APBB2: variants seen among roughly 807,000 people sequenced by gnomAD.
APBB2 encodes Fe65-like 1.
Under a neutral mutation model 82.5 loss-of-function variants are expected in APBB2, and 38 were observed. That is an observed-to-expected ratio of 0.46 (90% CI 0.36 to 0.60). The LOEUF is 0.60. Among genes scored for constraint, APBB2 ranks in the 20% least tolerant of loss-of-function variants. The pLI is 0.00. For missense variants in APBB2, 772 were observed against 972.3 expected, an observed-to-expected ratio of 0.79 and a Z score of 2.74; for synonymous variants, 341 against 368.2, an observed-to-expected ratio of 0.93 and a Z score of 0.85.
Position 40,827,226 on chromosome 4 carries a change from G to C in APBB2, c.1645-7C>G, listed in dbSNP as rs770200998. On this transcript the variant is annotated splice_region_variant and splice_polypyrimidine_tract_variant and intron_variant, in intron 13 of 17. Transcript: ENST00000508593. ...TCTTCCGTTCAGCCATAATCTAAGG[G>C]GGAAAAAGTGCAGCTTTGGAGCGTG... 19 of 1,613,808 alleles carry C rather than the reference G, an allele frequency of 1.2e-5. No homozygotes were observed. In the Admixed American group the frequency reaches 3.2e-4, roughly 27 times the overall value.
At chr4:41,058,437 G>C (rs56958949) in intron 4 of APBB2, among the ~76,000 whole-genome samples, 5,510 of 152,242 alleles carry the variant, frequency 0.036, 168 homozygotes, top group East Asian at 0.12. Context: ...TATGTACTAG[G>C]TATGTGAAAA....
At chr4:40,833,768 G>A (rs909281294) in intron 12 of APBB2, among the ~76,000 whole-genome samples, 4 of 152,038 alleles carry the variant, frequency 2.6e-5, no homozygotes, top group Admixed American at 6.6e-5. Flanking sequence ...GTCCCTCCCC[G>A]GCTCTGACAT....
chr4:40,851,699 G>A (rs1759414280), intron 12 of APBB2, among the ~76,000 whole-genome samples: 1 of 142,916 alleles, frequency 7.0e-6, no homozygotes, highest in South Asian at 2.2e-4. Flanking sequence ...ACTGACTGCA[G>A]AAGGAATATT....
chr4:41,212,314 C>A (rs1779517395), intron 1 of APBB2, among the ~76,000 whole-genome samples: 1 of 152,064 alleles, frequency 6.6e-6, no homozygotes, highest in African/African-American at 2.4e-5. Flanking sequence ...TAAGTGTAAA[C>A]ACCAGTATTT....
rs1773181074 is a variant in APBB2, at chr4:41,187,355, T to TA, written c.-417+27049dup. 2.0e-5 allele frequency among the ~76,000 whole-genome samples: 3 copies of TA among 152,334 alleles called. No individual in the cohort carries two copies. In the South Asian group the frequency reaches 6.2e-4, roughly 32 times the overall value. On this transcript the variant is annotated intron_variant, in intron 1 of 17. Coordinates refer to ENST00000508593, the MANE Select transcript of APBB2 (RefSeq NM_004307.2). ...AACATGAAAAAAGATAAGAGTCTTTTAAATTTGAGAAAAACAAACAACATT... is the reference window on the plus strand; with the variant it reads ...AACATGAAAAAAGATAAGAGTCTTTTAAAATTTGAGAAAAACAAACAACATT...
chr4:41,149,178 G>A (rs1761557391), intron 1 of APBB2, among the ~76,000 whole-genome samples: 1 of 151,346 alleles, frequency 6.6e-6, no homozygotes, highest in Non-Finnish European at 1.5e-5. Flanking sequence ...TTCACCCCAG[G>A]AAAAAAGAAC....
intron 10 of APBB2, among the ~76,000 whole-genome samples, chr4:40,920,474 C>CCTG (rs1289623348): frequency 8.5e-5 from 13 of 152,150 alleles, no homozygotes; most frequent in Admixed American, 8.5e-4. Context: ...ATCTTTAAAA[C>CCTG]AGTTACATGT....
intron 2 of APBB2, among the ~76,000 whole-genome samples, chr4:41,126,058 G>A (rs1316624555): frequency 2.6e-5 from 4 of 152,040 alleles, no homozygotes; most frequent in African/African-American, 9.7e-5. Context: ...GAAACAAAAT[G>A]CTGACAAGGT....
In APBB2 at chr4:41,146,323, C is replaced by CAA. The variant is rs35546477; in HGVS notation, c.-416-3183_-416-3182dup. On this transcript the variant is annotated intron_variant, in intron 1 of 17. Transcript: ENST00000508593. ...CCTGGGCAACAGAGTAAGACTGTCT[C>CAA]AAAAAAAAAAAAAAAAAAAAAAAAA... Among the ~76,000 whole-genome samples, 252 of 57,930 alleles carry CAA rather than the reference C, an allele frequency of 4.4e-3. 1 individual carries two copies. Among genetic ancestry groups the CAA allele is most frequent in the Middle Eastern group, 0.013 (1 of 78 alleles). 38.0% of individuals were successfully genotyped at this position (57,930 alleles called of 152,430 possible).
intron 4 of APBB2, among the ~76,000 whole-genome samples, chr4:41,044,983 T>C (rs1722863482): frequency 6.6e-6 from 1 of 152,182 alleles, no homozygotes; most frequent in African/African-American, 2.4e-5. Context: ...TCTATCTTCA[T>C]TATTTGTCAA....
rs575999137 is a variant in APBB2 at position 40,990,433 on chromosome 4, G to T, written c.835+23150C>A. ...TCTTTTTTGCAAAAGTGCCAGAAAG[G>T]AGTGGTGAGATTCATCCCAAGCCAA... On this transcript the variant is annotated intron_variant, in intron 6 of 17. Transcript: ENST00000508593. Among the ~76,000 whole-genome samples the T allele has an allele frequency of 6.7e-4, 102 of 152,284 alleles. No individual in the cohort carries two copies. In the Middle Eastern group the frequency reaches 0.02, roughly 30 times the overall value.
chr4:41,115,059 C>CT (rs1460931022), intron 2 of APBB2, among the ~76,000 whole-genome samples: 1 of 152,172 alleles, frequency 6.6e-6, no homozygotes, highest in Non-Finnish European at 1.5e-5. Flanking sequence ...ATCATGCTAC[C>CT]TGACTTCAAA....
chr4:41,084,865 A>G (rs1412025137), intron 3 of APBB2, among the ~76,000 whole-genome samples: 1 of 152,200 alleles, frequency 6.6e-6, no homozygotes, highest in Non-Finnish European at 1.5e-5. Flanking sequence ...GGGAGAAATT[A>G]AAGTAAGCCA....
intron 6 of APBB2, among the ~76,000 whole-genome samples, chr4:40,949,487 T>C (rs1371803696): frequency 6.6e-6 from 1 of 151,990 alleles, no homozygotes; most frequent in South Asian, 2.1e-4. Flanking sequence ...GGGGTCAAGT[T>C]ATCGAAATAC....
chr4:40,889,557 G>C (rs1166977420), intron 12 of APBB2, among the ~76,000 whole-genome samples: 1 of 152,202 alleles, frequency 6.6e-6, no homozygotes, highest in Non-Finnish European at 1.5e-5. Flanking sequence ...CTAAATGCTA[G>C]GAGATGCTCT....
chr4:41,032,778 C>CTT (rs11421268), intron 5 of APBB2, among the ~76,000 whole-genome samples: 9,285 of 83,880 alleles, frequency 0.11, 1,345 homozygotes, highest in Middle Eastern at 0.2. Context: ...ATTTTTCTTT[C>CTT]TTTTTTTTTT....
Position 40,961,667 on chromosome 4 carries a change from T to TA in APBB2, c.836-16595dup, listed in dbSNP as rs60942744. On this transcript the variant is annotated intron_variant, in intron 6 of 17. Transcript: ENST00000508593. ...AATAATGAAAGAAAAAAAAAAGATG[T>TA]AAAAAAAAAAAAAAAAAAAAAAAAA... Among the ~76,000 whole-genome samples, 46 of 68,240 alleles carry TA rather than the reference T, an allele frequency of 6.7e-4. 3 individuals are homozygous for TA. Among genetic ancestry groups the TA allele is most frequent in the African/African-American group, 1.4e-3 (23 of 16,734 alleles). 44.8% of individuals were successfully genotyped at this position (68,240 alleles called of 152,430 possible).
At chr4:40,926,514 T>C in intron 10 of APBB2, among the ~76,000 whole-genome samples, 1 of 152,158 alleles carries the variant, frequency 6.6e-6, no homozygotes, top group Non-Finnish European at 1.5e-5. Flanking sequence ...GGCGCGATCT[T>C]GGTTCACTGC....
intron 1 of APBB2, among the ~76,000 whole-genome samples, chr4:41,210,783 T>C (rs1779122986): frequency 6.6e-6 from 1 of 152,208 alleles, no homozygotes; most frequent in South Asian, 2.1e-4. Context: ...TACTGAATAA[T>C]AATGGAATCA....
Sources: allele counts gnomAD v4.1 joint callset (sites outside exome capture counted in the v4.1 genomes callset), GRCh38; gene constraint gnomAD v4.1.1; transcripts MANE v1.5; gene names NCBI Gene and HGNC (gene_info 2026-07-23, HGNC 2026-07-21).